ST14: variants seen among roughly 807,000 people sequenced by gnomAD.
ST14 encodes the protein suppressor of tumorigenicity 14 protein.
In ST14, 40 loss-of-function variants were observed where a neutral mutation model predicts 96.5. The observed-to-expected ratio is 0.41, with a 90% CI of 0.32 to 0.54. The LOEUF (loss-of-function observed/expected upper bound fraction) is 0.54, where lower values mean the gene tolerates loss of function less well. ST14 is among the 20% of genes least tolerant of loss of function. The pLI is 0.17. For synonymous variants in ST14, 506 were observed against 492.1 expected (o/e 1.03, Z -0.37); for missense variants, 1,066 against 1,188.9 (o/e 0.90, Z 1.52).
intron 4 of ST14, chr11:130,189,380 G>A: frequency 2.2e-6 from 1 of 457,296 alleles, no homozygotes; most frequent in South Asian, 2.4e-5. Flanking sequence ...GGGGAATGCT[G>A]TGTGGCAGGT....
chr11:130,191,173 C>A (rs1591888419), intron 7 of ST14, among the ~76,000 whole-genome samples: 2 of 151,934 alleles, frequency 1.3e-5, no homozygotes, highest in East Asian at 3.9e-4. Context: ...CAACAAGACT[C>A]TGCCTCTATA....
In ST14 at chr11:130,190,209, C is replaced by T. The variant is rs900362593; in HGVS notation, c.634+61C>T. ...AAGAGGCGGGATGTGGCCAGATGCCCTTGAGCCAGTGGGGTCCCCAGAAGC... is the reference window on the plus strand; with the variant it reads ...AAGAGGCGGGATGTGGCCAGATGCCTTTGAGCCAGTGGGGTCCCCAGAAGC... On this transcript the variant is annotated intron_variant, in intron 6 of 18. Transcript: ENST00000278742. 12 of 1,608,052 alleles carry T rather than the reference C, an allele frequency of 7.5e-6. No homozygotes were observed. The African/African-American group carries it at 1.5e-4, about 20-fold the overall frequency.
rs1370057032 is a variant in ST14 at position 130,170,649 on chromosome 11, CCTAACCGAGA to C, written c.81+10590_81+10599del. Among the ~76,000 whole-genome samples the C allele has an allele frequency of 1.1e-4, 17 of 151,818 alleles. No homozygotes were observed. In the East Asian group the frequency reaches 3.3e-3, roughly 30 times the overall value. ...GCCATTCCGAGCAGGCAGATGGGTTCCTAACCGAGAGGTTAGGAACCTCTTGGTTCCTAAC... is the reference window on the plus strand; with the variant it reads ...GCCATTCCGAGCAGGCAGATGGGTTCGGTTAGGAACCTCTTGGTTCCTAAC... On this transcript the variant is annotated intron_variant, in intron 1 of 18. Transcript: ENST00000278742.
At chr11:130,184,032 A>G (rs906027251) in intron 1 of ST14, among the ~76,000 whole-genome samples, 1 of 152,256 alleles carries the variant, frequency 6.6e-6, no homozygotes, top group Admixed American at 6.5e-5. Flanking sequence ...GCCAGATGGA[A>G]GAGTGCATAC....
chr11:130,183,845 C>T (rs184335136), intron 1 of ST14, among the ~76,000 whole-genome samples: 1 of 152,280 alleles, frequency 6.6e-6, no homozygotes, highest in East Asian at 1.9e-4. Flanking sequence ...TTTCTAGCAG[C>T]TCTGTTTGTA....
intron 1 of ST14, among the ~76,000 whole-genome samples, chr11:130,165,628 G>A (rs1296817913): frequency 1.3e-5 from 2 of 152,204 alleles, no homozygotes; most frequent in African/African-American, 4.8e-5. Context: ...TTTGGCCCAC[G>A]TTGGTGATGC....
intron 9 of ST14, among the ~76,000 whole-genome samples, chr11:130,194,969 C>A (rs952423047): frequency 6.6e-6 from 1 of 152,056 alleles, no homozygotes; most frequent in Non-Finnish European, 1.5e-5. Flanking sequence ...AAGAGGCAGC[C>A]AGATGTCGTG....
chr11:130,170,934 C>A (rs1953086855), intron 1 of ST14, among the ~76,000 whole-genome samples: 1 of 152,040 alleles, frequency 6.6e-6, no homozygotes, highest in Non-Finnish European at 1.5e-5. Flanking sequence ...ATGCAAAAAG[C>A]TGTACCTTTT....
chr11:130,172,364 C>A (rs1472345115), intron 1 of ST14, among the ~76,000 whole-genome samples: 1 of 151,366 alleles, frequency 6.6e-6, no homozygotes, highest in African/African-American at 2.4e-5. Flanking sequence ...CCTCAGCCTG[C>A]CAAAGTGCTG....
chr11:130,198,588 G>A lies in ST14; in HGVS notation c.1651G>A (p.Gly551Arg). The change falls in exon 14 of 19, where the codon GGG (glycine) becomes AGG (arginine). Residue 551 changes from glycine (G) to arginine (R), a missense_variant. By Grantham distance (125) the Gly-to-Arg change is moderately radical (BLOSUM62 -2). Transcript: ENST00000278742. Reference sequence around the variant, plus strand: ...GCAGTGCAATGGGAAGGACGACTGTGGGGACGGGTCCGACGAGGCCTCCTG... The same window carrying A: ...GCAGTGCAATGGGAAGGACGACTGTAGGGACGGGTCCGACGAGGCCTCCTG... ...SQQCNGKDDC[G>R]DGSDEASCPK... 6.2e-7 allele frequency: 1 copy of A among 1,614,044 alleles called. No homozygotes were observed. The highest frequency in any genetic ancestry group is 8.5e-7 in the Non-Finnish European group (1 of 1,180,006).
intron 1 of ST14, among the ~76,000 whole-genome samples, chr11:130,174,367 G>C (rs1244632913): frequency 6.6e-6 from 1 of 152,186 alleles, no homozygotes; most frequent in Non-Finnish European, 1.5e-5. Context: ...GATGAAAAAA[G>C]GGTTAAGAGA....
At chr11:130,180,554 CT>C (rs1953182691) in intron 1 of ST14, among the ~76,000 whole-genome samples, 1 of 152,196 alleles carries the variant, frequency 6.6e-6, no homozygotes, top group Non-Finnish European at 1.5e-5. Context: ...ATGGCAAATT[CT>C]GGCTTTGGAC....
At chr11:130,199,196 G>T in intron 15 of ST14, 127 bp downstream of exon 15, 1 of 1,065,576 alleles carries the variant, frequency 9.4e-7, no homozygotes, top group South Asian at 1.3e-5. Flanking sequence ...GTGAGAGGGT[G>T]TGTCTCCTGG....
At position 130,160,011 on chromosome 11, in the gene ST14, G is replaced by A. The variant is rs1039899816; in HGVS notation, c.32G>A (p.Gly11Glu). ...AGCGATCGGGCCCGCAAGGGCGGAG[G>A]GGGCCCGAAGGACTTCGGCGCGGGA... Reference protein sequence around the residue: MGSDRARKGGGGPKDFGAGLK... With the variant: MGSDRARKGGEGPKDFGAGLK... The change falls in exon 1 of 19, where the codon GGG becomes GAG. Residue 11 changes from glycine to glutamate, a missense_variant. Physicochemically the swap from Gly to Glu is moderately conservative, Grantham distance 98. Coordinates refer to ENST00000278742, the MANE Select transcript of ST14 (RefSeq NM_021978.4). 2.2e-5 allele frequency: 32 copies of A among 1,425,272 alleles called. No individual in the cohort carries two copies. Among genetic ancestry groups the A allele is most frequent in the Non-Finnish European group, 2.8e-5 (30 of 1,080,774 alleles). The allele number at this position is 1,425,272 out of a possible 1,614,324, so 88.3% of individuals were successfully genotyped here. A position where few individuals can be genotyped will look rare whatever the true frequency, so the allele number is the denominator to read the frequency against.
chr11:130,184,150 G>C (rs141770895), intron 1 of ST14, among the ~76,000 whole-genome samples: 1 of 152,364 alleles, frequency 6.6e-6, no homozygotes, highest in African/African-American at 2.4e-5. Context: ...GAGGGGCCAG[G>C]AGGAGATTTT....
chr11:130,164,553 G>C (rs1953026478), intron 1 of ST14, among the ~76,000 whole-genome samples: 1 of 151,582 alleles, frequency 6.6e-6, no homozygotes, highest in African/African-American at 2.4e-5. Flanking sequence ...TCAGTAGCTG[G>C]GACTACAGGT....
intron 1 of ST14, among the ~76,000 whole-genome samples, chr11:130,161,363 T>C (rs1952996994): frequency 6.6e-6 from 1 of 152,230 alleles, no homozygotes; most frequent in Non-Finnish European, 1.5e-5. Context: ...TACTTGGGGT[T>C]CTAGACTCCC....
chr11:130,200,975 C>A (rs1237633150), intron 16 of ST14, among the ~76,000 whole-genome samples: 1 of 152,234 alleles, frequency 6.6e-6, no homozygotes, highest in African/African-American at 2.4e-5. Context: ...GCAGGTTATT[C>A]AAACTTCCTA....
intron 1 of ST14, among the ~76,000 whole-genome samples, chr11:130,171,826 G>A (rs933989966): frequency 2.0e-5 from 3 of 152,210 alleles, no homozygotes; most frequent in Admixed American, 6.5e-5. Context: ...ATATATAAAT[G>A]TATAGATTAA....
Sources: gnomAD v4.1 joint callset for allele counts (sites outside exome capture counted in the v4.1 genomes callset) on GRCh38, gnomAD v4.1.1 for gene constraint, MANE v1.5 for transcripts, NCBI Gene and HGNC (gene_info 2026-07-23, HGNC 2026-07-21) for gene names.